ISG20L2: variants seen among roughly 807,000 people sequenced by gnomAD.
ISG20L2 encodes interferon stimulated exonuclease gene 20 like 2.
Under a neutral mutation model 27.8 loss-of-function variants are expected in ISG20L2, and 14 were observed. That is an observed-to-expected ratio of 0.50 (90% CI 0.33 to 0.79). The LOEUF (loss-of-function observed/expected upper bound fraction) is 0.79, where lower values mean the gene tolerates loss of function less well. ISG20L2 is among the 30% of genes least tolerant of loss of function. ISG20L2 has a pLI of 0.02. For synonymous variants in ISG20L2, 157 were observed against 165.7 expected (o/e 0.95, Z 0.40); for missense variants, 393 against 435.1 (o/e 0.90, Z 0.86).
In ISG20L2 at chr1:156,723,077, G is replaced by T. The variant is rs978034050; in HGVS notation, c.*272C>A. 3 of 389,346 alleles carry T rather than the reference G, an allele frequency of 7.7e-6. No individual in the cohort carries two copies. Among genetic ancestry groups the T allele is most frequent in the Non-Finnish European group, 1.4e-5 (3 of 213,908 alleles). The allele number at this position is 389,346 out of a possible 1,614,324, so 24.1% of individuals were successfully genotyped here. Reference sequence around the variant, plus strand: ...AATCTTAACTGGCACAGAGCACCCTGGGACACCTGTGGTTAGCACCATTTA... The same window carrying T: ...AATCTTAACTGGCACAGAGCACCCTTGGACACCTGTGGTTAGCACCATTTA... On this transcript the variant is annotated 3_prime_UTR_variant, in exon 4 of 4. Transcript: ENST00000368219.
chr1:156,726,178 C>T, intron 2 of ISG20L2: 1 of 985,428 alleles, frequency 1.0e-6, no homozygotes, highest in Non-Finnish European at 1.2e-6. Flanking sequence ...ACCCCAGCTC[C>T]TCCTGTCAAC....
intron 2 of ISG20L2, chr1:156,725,370 G>C (rs747007131): frequency 6.6e-6 from 1 of 152,230 alleles, no homozygotes; most frequent in Non-Finnish European, 1.5e-5. Flanking sequence ...TGGGATTACA[G>C]ACACATGTCA....
In ISG20L2 at chr1:156,727,477, G is replaced by A. The variant is rs1054598245; in HGVS notation, c.176C>T (p.Ser59Leu). 1 of 1,613,980 alleles carries A rather than the reference G, an allele frequency of 6.2e-7. No individual in the cohort carries two copies. The highest frequency in any genetic ancestry group is 1.1e-5 in the South Asian group (1 of 91,074). ...SKAPKLHSEP[S>L]KKGETPTVDG... ...GACCGTAGGAGTTTCCCCTTTCTTT[G>A]AAGGTTCAGAGTGCAACTTAGGCGC... The change falls in exon 2 of 4, where the codon TCA (serine) becomes TTA (leucine). Residue 59 changes from serine (S) to leucine (L), a missense_variant. By Grantham distance (145) the Ser-to-Leu change is moderately radical. Coordinates refer to ENST00000368219, the MANE Select transcript of ISG20L2 (RefSeq NM_001370150.2).
chr1:156,725,882 G>A (rs1648731902), intron 2 of ISG20L2: 36 of 985,328 alleles, frequency 3.7e-5, no homozygotes, highest in Non-Finnish European at 4.3e-5. Flanking sequence ...TCCTCCAACT[G>A]ACCGCATATA....
At position 156,723,177 on chromosome 1, in the gene ISG20L2, A is replaced by G; in HGVS notation, c.*172T>C. The G allele has an allele frequency of 3.9e-6, 3 of 767,490 alleles. No homozygotes were observed. The highest frequency in any genetic ancestry group is 3.9e-4 in the Middle Eastern group (1 of 2,578). The allele number at this position is 767,490 out of a possible 1,614,324, so 47.5% of individuals were successfully genotyped here. On this transcript the variant is annotated 3_prime_UTR_variant, in exon 4 of 4. Transcript: ENST00000368219. ...CATGGGACACTTAACCAGACACAGG[A>G]CACAACACCTGAGGTGAAATTTCAA... is the stretch of plus-strand genomic sequence containing the variant.
rs750003427 is a variant in ISG20L2 at position 156,724,130 on chromosome 1, G to A, written c.948+18C>T. On this transcript the variant is annotated intron_variant, in intron 3 of 3. Transcript: ENST00000368219. ...AGCCATGTCCAAGATGGGGGCGGGG[G>A]ATGTGGGGAGATGCTACCTGGATAT... is the stretch of plus-strand genomic sequence containing the variant. The A allele has an allele frequency of 6.2e-7, 1 of 1,601,654 alleles. No individual in the cohort carries two copies. Among genetic ancestry groups the A allele is most frequent in the Non-Finnish European group, 8.6e-7 (1 of 1,168,788 alleles).
At chr1:156,724,557 G>T in intron 2 of ISG20L2, 1 of 1,359,540 alleles carries the variant, frequency 7.4e-7, no homozygotes, top group Admixed American at 3.2e-5. Context: ...TACCCTGTTT[G>T]GACTCATACT....
At chr1:156,726,644 A>G (rs1648774303) in intron 2 of ISG20L2, 4 of 972,250 alleles carry the variant, frequency 4.1e-6, no homozygotes, top group Admixed American at 6.2e-5. Context: ...TCAGCCTCCC[A>G]AAGTGCTGGG....
chr1:156,723,918 G>C lies in ISG20L2; in HGVS notation c.948+230C>G, dbSNP rs1235615578. On this transcript the variant is annotated intron_variant, in intron 3 of 3. Coordinates refer to ENST00000368219, the MANE Select transcript of ISG20L2 (RefSeq NM_001370150.2). ...CCACTGCTACCTGCTTTCTTCCTTA[G>C]TTAGGGTTTTATATCTACTTAGGAC... 5 of 1,338,118 alleles carry C rather than the reference G, an allele frequency of 3.7e-6. No homozygotes were observed. In the South Asian group the frequency reaches 6.9e-5, roughly 19 times the overall value. The allele number at this position is 1,338,118 out of a possible 1,614,324, so 82.9% of individuals were successfully genotyped here. A position where few individuals can be genotyped will look rare whatever the true frequency, so the allele number is the denominator to read the frequency against.
At chr1:156,725,737 G>T in intron 2 of ISG20L2, 1 of 352,626 alleles carries the variant, frequency 2.8e-6, no homozygotes, top group Non-Finnish European at 4.0e-6. Context: ...AAGCTGGGCA[G>T]ATTTGCTGTC....
At chr1:156,726,360 C>T in intron 2 of ISG20L2, 1 of 985,392 alleles carries the variant, frequency 1.0e-6, no homozygotes, top group Non-Finnish European at 1.2e-6. Context: ...AGTTTCATCA[C>T]TTGCTGTTAT....
Position 156,727,509 on chromosome 1 carries a change from A to G in ISG20L2, c.144T>C (p.Pro48=), listed in dbSNP as rs73000792. ...CAGAGTGCAACTTAGGCGCCTTGCT[A>G]GGGGGTTGGTTCTTTTTACTCAGAA... ...RGFLSKKNQP[P]SKAPKLHSEP... is the part of the protein sequence containing the mutation. Residue 48 remains proline (P), a synonymous_variant, in exon 2 of 4, where the codon CCT becomes CCC. Coordinates refer to ENST00000368219, the MANE Select transcript of ISG20L2 (RefSeq NM_001370150.2). 4,248 of 1,613,904 alleles carry G rather than the reference A, an allele frequency of 2.6e-3. 138 individuals carry two copies. The South Asian group carries it at 0.043, about 16-fold the overall frequency.
At position 156,726,997 on chromosome 1, in the gene ISG20L2, G is replaced by A. The variant is rs924322548; in HGVS notation, c.656C>T (p.Pro219Leu). 1.9e-6 allele frequency: 3 copies of A among 1,614,194 alleles called. No individual in the cohort carries two copies. Among genetic ancestry groups the A allele is most frequent in the Non-Finnish European group, 2.5e-6 (3 of 1,180,036 alleles). The change falls in exon 2 of 4, where the codon CCC becomes CTC. Residue 219 changes from proline (P) to leucine (L), a missense_variant. Pro to Leu is a moderately conservative substitution (Grantham distance 98). This residue lies in a region of ISG20L2 where 171 missense variants were observed against 195.3 expected (regional missense o/e 0.88). Coordinates refer to ENST00000368219, the MANE Select transcript of ISG20L2 (RefSeq NM_001370150.2). ...DVLYDEYILP[P>L]CHIVDYRTRW... ...GGTTCGGTAGTCCACAATGTGGCAG[G>A]GGGGAAGAATGTACTCGTCATAAAG...
chr1:156,727,238 T>A lies in ISG20L2; in HGVS notation c.415A>T (p.Lys139Ter). ...TTAGAGGATTTCTTCTGGGAGCTCT[T>A]CTTCTGAGAGCGGGTTGGGTGGCTA... Reference protein sequence around the residue: ...INSHPTRSQKKSSQKKSSKKN... With the variant: ...INSHPTRSQK Residue 139 changes from lysine (K) to a stop codon, truncating the protein, a stop_gained, in exon 2 of 4, where the codon AAG (lysine) becomes TAG (stop). Coordinates refer to ENST00000368219, the MANE Select transcript of ISG20L2 (RefSeq NM_001370150.2). LOFTEE classifies it high-confidence loss of function. 1 of 1,614,054 alleles carries A rather than the reference T, an allele frequency of 6.2e-7. No individual in the cohort carries two copies. Among genetic ancestry groups the A allele is most frequent in the South Asian group, 1.1e-5 (1 of 91,086 alleles).
At chr1:156,728,013 G>C in intron 1 of ISG20L2, 1 of 1,039,018 alleles carries the variant, frequency 9.6e-7, no homozygotes, top group South Asian at 3.6e-5. Flanking sequence ...CTCTAGGTTT[G>C]AGTCTCATTT....
Position 156,728,761 on chromosome 1 carries a change from G to A in ISG20L2, c.-464C>T. 1.2e-5 allele frequency: 13 copies of A among 1,040,252 alleles called. No homozygotes were observed. Among genetic ancestry groups the A allele is most frequent in the Non-Finnish European group, 1.5e-5 (13 of 863,140 alleles). The allele number at this position is 1,040,252 out of a possible 1,614,324, so 64.4% of individuals were successfully genotyped here. A position where few individuals can be genotyped will look rare whatever the true frequency, so the allele number is the denominator to read the frequency against. ...CGGCTTCACTTCCGTAAGAGGAGAGGAGTGTACGGCAAGGGGCGGGAACTG... is the reference window on the plus strand; with the variant it reads ...CGGCTTCACTTCCGTAAGAGGAGAGAAGTGTACGGCAAGGGGCGGGAACTG... On this transcript the variant is annotated 5_prime_UTR_variant, in exon 1 of 4. Transcript: ENST00000368219.
chr1:156,724,420 C>T lies in ISG20L2; in HGVS notation c.748-72G>A, dbSNP rs1571492946. 2.1e-6 allele frequency: 3 copies of T among 1,443,244 alleles called. 1 individual carries two copies. In the South Asian group the frequency reaches 4.0e-5, roughly 19 times the overall value. The allele number at this position is 1,443,244 out of a possible 1,614,324, so 89.4% of individuals were successfully genotyped here. On this transcript the variant is annotated intron_variant, in intron 2 of 3. Coordinates refer to ENST00000368219, the MANE Select transcript of ISG20L2 (RefSeq NM_001370150.2). ...GAACCCCTGCATTCTGAAAGCCCAA[C>T]ATGACCATCAATCCCTTCTGGATTC...
At chr1:156,723,639 A>C (rs1440945905) in intron 3 of ISG20L2, 177 bp from the exon 4 acceptor site, 1 of 985,130 alleles carries the variant, frequency 1.0e-6, no homozygotes, top group Admixed American at 6.2e-5. Flanking sequence ...CAGGGGTTCA[A>C]CTCCTAGGAA....
intron 2 of ISG20L2, chr1:156,726,054 C>T (rs1648743919): frequency 1.0e-6 from 1 of 985,328 alleles, no homozygotes; most frequent in African/African-American, 1.7e-5. Context: ...CCTTTCCGTT[C>T]ATGCCTTGCG....
Sources: allele counts gnomAD v4.1 joint callset, GRCh38; gene constraint gnomAD v4.1.1; regional missense constraint gnomAD v4.1.1; transcripts MANE v1.5; gene names NCBI Gene and HGNC (gene_info 2026-07-23, HGNC 2026-07-21).